CCSER1: variants seen among roughly 807,000 people sequenced by gnomAD.
CCSER1 encodes the protein coiled-coil serine rich protein 1, also known as serine-rich coiled-coil domain-containing protein 1.
In CCSER1, 41 loss-of-function variants were observed where a neutral mutation model predicts 82.0. That is an observed-to-expected ratio of 0.50 (90% CI 0.39 to 0.65). The LOEUF is 0.65. Ranked by LOEUF, CCSER1 falls within the 30% of genes least tolerant of loss-of-function variation. The pLI is 0.00. For synonymous variants in CCSER1, 414 were observed against 383.9 expected (o/e 1.08, Z -0.92); for missense variants, 1,119 against 1,064.2 (o/e 1.05, Z -0.72).
At chr4:91,546,014 T>C (rs535979278) in intron 10 of CCSER1, among the ~76,000 whole-genome samples, 1 of 152,292 alleles carries the variant, frequency 6.6e-6, no homozygotes, top group East Asian at 1.9e-4. Context: ...TATTGTCAGA[T>C]GTTTTTTCTG....
chr4:91,086,251 T>C (rs958728375), intron 10 of CCSER1, among the ~76,000 whole-genome samples: 4 of 152,100 alleles, frequency 2.6e-5, no homozygotes, highest in African/African-American at 9.7e-5. Flanking sequence ...TTGTTTCTGT[T>C]ATAATGGATT....
intron 1 of CCSER1, among the ~76,000 whole-genome samples, chr4:90,128,494 CGTGTGT>C (rs147426828): frequency 1.3e-5 from 2 of 149,954 alleles, no homozygotes; most frequent in Admixed American, 6.6e-5. Context: ...AGGTTGTGTG[CGTGTGT>C]GTGTGTGTGT....
chr4:90,999,211 C>T (rs114690537), intron 9 of CCSER1, among the ~76,000 whole-genome samples: 338 of 152,170 alleles, frequency 2.2e-3, no homozygotes, highest in Non-Finnish European at 3.7e-3. Flanking sequence ...TGTCCCTTTA[C>T]GGTAGAACTA....
intron 10 of CCSER1, among the ~76,000 whole-genome samples, chr4:91,352,974 G>T (rs1046113315): frequency 6.6e-6 from 1 of 152,122 alleles, no homozygotes; most frequent in Non-Finnish European, 1.5e-5. Flanking sequence ...ATGGGAAGAG[G>T]GTGAGAGAAA....
chr4:91,156,757 A>G (rs909838004), intron 10 of CCSER1, among the ~76,000 whole-genome samples: 2 of 151,840 alleles, frequency 1.3e-5, no homozygotes, highest in African/African-American at 4.8e-5. Context: ...TTTAAATGCC[A>G]GACACCTTCC....
At chr4:90,390,996 G>A (rs1750903393) in intron 3 of CCSER1, among the ~76,000 whole-genome samples, 1 of 151,374 alleles carries the variant, frequency 6.6e-6, no homozygotes, top group African/African-American at 2.4e-5. Flanking sequence ...GGGCATGGTG[G>A]CTCATGCCTG....
At chr4:90,652,601 C>G (rs185875853) in intron 6 of CCSER1, among the ~76,000 whole-genome samples, 68 of 152,156 alleles carry the variant, frequency 4.5e-4, no homozygotes, top group Non-Finnish European at 8.7e-4. Context: ...TCTTTTTCTT[C>G]TCTTCCCTGT....
intron 5 of CCSER1, among the ~76,000 whole-genome samples, chr4:90,561,354 GC>G (rs996686981): frequency 1.3e-5 from 2 of 152,186 alleles, no homozygotes; most frequent in African/African-American, 4.8e-5. Context: ...GATCCAGGGT[GC>G]CCTGGAGAAC....
chr4:90,969,376 G>A (rs1323508927), intron 9 of CCSER1, among the ~76,000 whole-genome samples: 4 of 151,818 alleles, frequency 2.6e-5, no homozygotes, highest in Admixed American at 6.6e-5. Context: ...GAAAAGTAAA[G>A]GACAAAGAAA....
intron 10 of CCSER1, among the ~76,000 whole-genome samples, chr4:91,383,886 G>A (rs80019062): frequency 0.02 from 2,989 of 152,180 alleles, 81 homozygotes; most frequent in African/African-American, 0.067. Context: ...TTTCACTTTT[G>A]TAAACCACAA....
At chr4:91,245,474 C>T (rs1370472730) in intron 10 of CCSER1, among the ~76,000 whole-genome samples, 1 of 151,916 alleles carries the variant, frequency 6.6e-6, no homozygotes, top group African/African-American at 2.4e-5. Context: ...CCTTACAGGC[C>T]AGGAGAGAGT....
chr4:90,419,971 C>A (rs1403647376), intron 4 of CCSER1, among the ~76,000 whole-genome samples: 1 of 151,844 alleles, frequency 6.6e-6, no homozygotes, highest in Non-Finnish European at 1.5e-5. Flanking sequence ...TCCCCAGGTT[C>A]TTGCAAAAGA....
chr4:91,463,071 C>T (rs1431196819), intron 10 of CCSER1, among the ~76,000 whole-genome samples: 3 of 152,266 alleles, frequency 2.0e-5, no homozygotes, highest in Admixed American at 6.5e-5. Context: ...CAAGTGGGTC[C>T]CTGACCCCCT....
intron 9 of CCSER1, among the ~76,000 whole-genome samples, chr4:91,082,429 A>C (rs1432114429): frequency 5.3e-5 from 8 of 152,216 alleles, no homozygotes; most frequent in African/African-American, 1.9e-4. Context: ...TTAAAGACTT[A>C]AATGTCAGAC....
At chr4:90,311,577 A>G (rs1238751264) in intron 2 of CCSER1, among the ~76,000 whole-genome samples, 1 of 152,196 alleles carries the variant, frequency 6.6e-6, no homozygotes, top group African/African-American at 2.4e-5. Context: ...TATTTTATCC[A>G]ATAAAGAGTT....
At chr4:90,287,951 A>T (rs963034070) in intron 1 of CCSER1, among the ~76,000 whole-genome samples, 8 of 151,042 alleles carry the variant, frequency 5.3e-5, no homozygotes, top group African/African-American at 2.0e-4. Context: ...ACAAACAAAA[A>T]CCAACTGAAC....
chr4:91,402,175 G>T (rs948539929), intron 10 of CCSER1, among the ~76,000 whole-genome samples: 4 of 152,058 alleles, frequency 2.6e-5, no homozygotes, highest in Admixed American at 6.6e-5. Flanking sequence ...TCATGTGTCT[G>T]TTGGCTGCAT....
chr4:90,389,792 C>G (rs1163299563), intron 3 of CCSER1, among the ~76,000 whole-genome samples: 1 of 152,094 alleles, frequency 6.6e-6, no homozygotes, highest in African/African-American at 2.4e-5. Context: ...ACATGCTGAA[C>G]ATAAAAACAA....
At chr4:90,628,896 C>A (rs533290360) in intron 6 of CCSER1, among the ~76,000 whole-genome samples, 3 of 152,194 alleles carry the variant, frequency 2.0e-5, no homozygotes, top group South Asian at 2.1e-4. Flanking sequence ...GATTTCTATA[C>A]AAAGTATACC....
Sources: allele counts gnomAD v4.1 joint callset (sites outside exome capture counted in the v4.1 genomes callset), GRCh38; gene constraint gnomAD v4.1.1; transcripts MANE v1.5; gene names NCBI Gene and HGNC (gene_info 2026-07-23, HGNC 2026-07-21).